CELF2: variants seen among roughly 807,000 people sequenced by gnomAD.
The protein encoded by CELF2 is CUG triplet repeat RNA-binding protein 2.
In CELF2, 8 loss-of-function variants were observed where a neutral mutation model predicts 62.6. The observed-to-expected ratio is 0.13, with a 90% CI of 0.07 to 0.23. The LOEUF (loss-of-function observed/expected upper bound fraction) is 0.23. CELF2 is among the 10% of genes least tolerant of loss of function. The pLI, the probability that CELF2 is intolerant of heterozygous loss-of-function variation, is 1.00. For missense variants in CELF2, 333 were observed against 671.0 expected, an observed-to-expected ratio of 0.50 and a Z score of 5.56; for synonymous variants, 258 against 250.0, an observed-to-expected ratio of 1.03 and a Z score of -0.30.
the CELF2 span, among the ~76,000 whole-genome samples, chr10:10,713,648 C>T: frequency 5.9e-5 from 9 of 152,222 alleles, no homozygotes; most frequent in Non-Finnish European, 8.8e-5. Flanking sequence ...ATTCTGCTTT[C>T]ACATTTTTGA....
At chr10:10,971,223 A>G (rs1199492904) in intron 2 of CELF2, among the ~76,000 whole-genome samples, 1 of 152,052 alleles carries the variant, frequency 6.6e-6, no homozygotes, top group Non-Finnish European at 1.5e-5. Context: ...CCTCCCAACT[A>G]GTGTGAAGCT....
At chr10:11,042,377 G>C (rs2061991896) in intron 1 of CELF2, among the ~76,000 whole-genome samples, 1 of 152,186 alleles carries the variant, frequency 6.6e-6, no homozygotes, top group African/African-American at 2.4e-5. Context: ...GGTTATTGCT[G>C]CATACAGATG....
chr10:11,250,071 T>C (rs1046080011), intron 4 of CELF2, among the ~76,000 whole-genome samples: 4 of 152,228 alleles, frequency 2.6e-5, no homozygotes, highest in Admixed American at 2.0e-4. Flanking sequence ...TAAATTATGA[T>C]TGGGCTCTAA....
chr10:11,158,335 A>G (rs887333026), intron 1 of CELF2, among the ~76,000 whole-genome samples: 2 of 152,162 alleles, frequency 1.3e-5, no homozygotes, highest in Non-Finnish European at 2.9e-5. Context: ...GAGAGGATTC[A>G]TTGGTGTCGT....
At chr10:11,054,489 TTGTG>T (rs35465939) in intron 1 of CELF2, among the ~76,000 whole-genome samples, 1,741 of 149,560 alleles carry the variant, frequency 0.012, 28 homozygotes, top group African/African-American at 0.034. Context: ...GTATGTGTGT[TTGTG>T]TGTGTGTGTG....
chr10:10,901,994 G>A (rs1485844922), intron 1 of CELF2, among the ~76,000 whole-genome samples: 1 of 152,166 alleles, frequency 6.6e-6, no homozygotes, highest in Non-Finnish European at 1.5e-5. Flanking sequence ...AACATCATTA[G>A]TTATTAGTAA....
At chr10:10,888,554 GA>G (rs2061920633) in intron 1 of CELF2, among the ~76,000 whole-genome samples, 1 of 152,096 alleles carries the variant, frequency 6.6e-6, no homozygotes, top group Non-Finnish European at 1.5e-5. Context: ...TGTGGGTAAC[GA>G]AAAAACCAAG....
chr10:10,520,442 A>T, the CELF2 span, among the ~76,000 whole-genome samples: 1,537 of 152,330 alleles, frequency 0.01, 24 homozygotes, highest in African/African-American at 0.035. Flanking sequence ...ACTGGATACC[A>T]CAAGAGCCAA....
chr10:10,611,476 T>A, the CELF2 span, among the ~76,000 whole-genome samples: 14 of 152,216 alleles, frequency 9.2e-5, no homozygotes, highest in Non-Finnish European at 1.9e-4. Flanking sequence ...GTAATGCCTT[T>A]TAGAACCCGT....
intron 2 of CELF2, among the ~76,000 whole-genome samples, chr10:11,192,140 T>A (rs1321902294): frequency 6.6e-6 from 1 of 152,150 alleles, no homozygotes; most frequent in Non-Finnish European, 1.5e-5. Context: ...TCTTGTGAGA[T>A]TCATACCTAC....
At chr10:10,941,730 A>G (rs1017184036) in intron 2 of CELF2, among the ~76,000 whole-genome samples, 2 of 152,242 alleles carry the variant, frequency 1.3e-5, no homozygotes, top group African/African-American at 4.8e-5. Flanking sequence ...GCAGTGGCTC[A>G]TGCCTATAAT....
At chr10:10,621,117 G>A in the CELF2 span, among the ~76,000 whole-genome samples, 2 of 144,508 alleles carry the variant, frequency 1.4e-5, no homozygotes, top group Non-Finnish European at 3.0e-5. Context: ...GGTGGCGGGC[G>A]CCTGTAGTCC....
At chr10:10,647,318 A>T in the CELF2 span, among the ~76,000 whole-genome samples, 1 of 151,976 alleles carries the variant, frequency 6.6e-6, no homozygotes, top group South Asian at 2.1e-4. Context: ...CTTTGAACCC[A>T]CTGCCCGCCC....
Position 11,217,623 on chromosome 10 carries a change from T to A in CELF2, c.354+116T>A. On this transcript the variant is annotated intron_variant, in intron 3 of 12. Transcript: ENST00000633077. The surrounding 1 kb of genome is among the most constrained non-coding windows in gnomAD (Gnocchi z 5.6). ...AAAATGACTTTGGTCTTTTGAGGAG[T>A]GTGTGCTGACCCCCCAGTTCCCTGC... The A allele has an allele frequency of 1.4e-6, 1 of 712,296 alleles. No homozygotes were observed. The highest frequency in any genetic ancestry group is 2.4e-6 in the Non-Finnish European group (1 of 425,442). The allele number at this position is 712,296 out of a possible 1,614,324, so 44.1% of individuals were successfully genotyped here. A position where few individuals can be genotyped will look rare whatever the true frequency, so the allele number is the denominator to read the frequency against.
At position 11,098,781 on chromosome 10, in the gene CELF2, A is replaced by C. The variant is rs1228715989; in HGVS notation, c.75-66705A>C. On this transcript the variant is annotated intron_variant, in intron 1 of 12. Transcript: ENST00000633077. This position sits in a 1 kb window ranked among gnomAD's most constrained non-coding sequence, Gnocchi z 4.0. ...TTTATCTGTGTGGTTAATTTCTATG[A>C]ACTGCTGGACAGCTGATTTGACCGA... 1.3e-5 allele frequency among the ~76,000 whole-genome samples: 2 copies of C among 152,164 alleles called. No individual in the cohort carries two copies. Among genetic ancestry groups the C allele is most frequent in the Non-Finnish European group, 2.9e-5 (2 of 68,028 alleles).
the CELF2 span, among the ~76,000 whole-genome samples, chr10:10,507,489 C>G: frequency 4.6e-5 from 7 of 152,154 alleles, no homozygotes; most frequent in African/African-American, 1.7e-4. Context: ...CTACAAAATA[C>G]TAAGGATTGG....
At chr10:10,587,228 A>G in the CELF2 span, among the ~76,000 whole-genome samples, 1 of 152,230 alleles carries the variant, frequency 6.6e-6, no homozygotes, top group Non-Finnish European at 1.5e-5. Context: ...CATATTGTGT[A>G]GCCCGCATGG....
intron 12 of CELF2, 136 bp downstream of exon 12, chr10:11,326,115 G>T: frequency 1.1e-6 from 1 of 900,728 alleles, no homozygotes; most frequent in Non-Finnish European, 1.6e-6. Flanking sequence ...CTGGATCCTT[G>T]TAAGCAGATT....
At chr10:11,142,109 A>G (rs1463161299) in intron 1 of CELF2, among the ~76,000 whole-genome samples, 2 of 152,254 alleles carry the variant, frequency 1.3e-5, no homozygotes, top group South Asian at 2.1e-4. Context: ...CTGAGATTGC[A>G]TAAAGTGTGA....
Sources: gnomAD v4.1 joint callset for allele counts (sites outside exome capture counted in the v4.1 genomes callset) on GRCh38, gnomAD v4.1.1 for gene constraint, Gnocchi (gnomAD v3.1) non-coding constraint, MANE v1.5 for transcripts, NCBI Gene and HGNC (gene_info 2026-07-23, HGNC 2026-07-21) for gene names.